Variants in CKAP5 observed in about 807,000 individuals in gnomAD.
CKAP5 encodes cytoskeleton-associated protein 5.
In CKAP5, 27 loss-of-function variants were observed where a neutral mutation model predicts 232.8. The ratio of observed to expected loss-of-function variants is 0.12; its 90% CI spans 0.09 to 0.16. CKAP5 has a LOEUF of 0.16. Among genes scored for constraint, CKAP5 ranks in the 10% least tolerant of loss-of-function variants. The probability of loss-of-function intolerance (pLI) is 1.00; values close to 1 mark genes in which losing one functional copy is unlikely to be tolerated. For missense variants in CKAP5, 1,838 were observed against 2,424.7 expected (o/e 0.76, Z 5.08); for synonymous variants, 785 against 841.1 (o/e 0.93, Z 1.16).
chr11:46,754,108 C>T (rs1239418857), intron 36 of CKAP5, among the ~76,000 whole-genome samples: 1 of 151,968 alleles, frequency 6.6e-6, no homozygotes, highest in Non-Finnish European at 1.5e-5. Context: ...AAGCAATTCT[C>T]TGCCTCAGCC....
intron 33 of CKAP5, among the ~76,000 whole-genome samples, chr11:46,759,711 C>A (rs932825719): frequency 6.6e-6 from 1 of 152,194 alleles, no homozygotes; most frequent in Non-Finnish European, 1.5e-5. Flanking sequence ...CTAAAGCCAA[C>A]AAACCTTGTA....
At chr11:46,765,328 TAAAA>T in intron 27 of CKAP5, 72 bp from the exon 28 acceptor site, 1 of 1,334,082 alleles carries the variant, frequency 7.5e-7, no homozygotes, top group Non-Finnish European at 1.0e-6. Context: ...TGCTGCCCAG[TAAAA>T]GGGCACTGTA....
chr11:46,801,364 A>G (rs1939027684), intron 8 of CKAP5, 60 bp from the exon 9 acceptor site: 2 of 1,323,742 alleles, frequency 1.5e-6, no homozygotes, highest in Admixed American at 3.4e-5. Context: ...GGGTATTGAA[A>G]TTTTATTCTC....
At chr11:46,821,473 G>A (rs1333366966) in intron 1 of CKAP5, among the ~76,000 whole-genome samples, 1 of 127,166 alleles carries the variant, frequency 7.9e-6, no homozygotes, top group Middle Eastern at 6.8e-3. Context: ...CACCCAGGCT[G>A]GAGTGCAGTG....
intron 16 of CKAP5, 86 bp downstream of exon 16, chr11:46,788,595 G>C (rs957188936): frequency 1.2e-6 from 1 of 805,992 alleles, no homozygotes; most frequent in Non-Finnish European, 2.0e-6. Flanking sequence ...AAATCATTAC[G>C]AAAACTATTC....
At chr11:46,792,412 G>T (rs2134641858) in intron 13 of CKAP5, among the ~76,000 whole-genome samples, 1 of 152,208 alleles carries the variant, frequency 6.6e-6, no homozygotes, top group Admixed American at 6.5e-5. Context: ...AATTAGCCAG[G>T]CGTGGTGGCA....
intron 42 of CKAP5, among the ~76,000 whole-genome samples, chr11:46,746,941 G>A (rs2065027009): frequency 1.3e-5 from 2 of 152,178 alleles, no homozygotes; most frequent in Non-Finnish European, 2.9e-5. Flanking sequence ...TTCAAGACCA[G>A]CTGGGGCAAC....
At chr11:46,806,362 C>T (rs2134665917) in intron 8 of CKAP5, among the ~76,000 whole-genome samples, 1 of 152,288 alleles carries the variant, frequency 6.6e-6, no homozygotes, top group East Asian at 1.9e-4. Flanking sequence ...TTCTTTGACA[C>T]ATCGAGAATT....
Position 46,809,816 on chromosome 11 carries a change from C to A in CKAP5, c.689G>T (p.Arg230Leu). ...TAGTTCTTGTTGGGAACGAAGAAAT[C>A]GAGTAGGTCTAGGAGCACTTGTTGG... ...KLPTSAPRPT[R>L]FLRSQQELEA... The change falls in exon 6 of 44, where the codon CGA (arginine) becomes CTA (leucine). Residue 230 changes from arginine (R) to leucine (L), a missense_variant. Transcript: ENST00000529230. 6.2e-7 allele frequency: 1 copy of A among 1,613,978 alleles called. No individual in the cohort carries two copies. Among genetic ancestry groups the A allele is most frequent in the Non-Finnish European group, 8.5e-7 (1 of 1,179,950 alleles).
chr11:46,809,350 A>C, intron 7 of CKAP5, 50 bp downstream of exon 7: 1 of 1,214,124 alleles, frequency 8.2e-7, no homozygotes, highest in Non-Finnish European at 1.2e-6. Context: ...AATTCTATTC[A>C]AGTAATTATT....
chr11:46,805,922 A>C (rs1177799421), intron 8 of CKAP5, among the ~76,000 whole-genome samples: 1 of 152,190 alleles, frequency 6.6e-6, no homozygotes, highest in Non-Finnish European at 1.5e-5. Flanking sequence ...GGGCAACAAT[A>C]ACGAAACTCC....
intron 25 of CKAP5, among the ~76,000 whole-genome samples, chr11:46,770,495 G>A (rs184181523): frequency 6.6e-6 from 1 of 152,076 alleles, no homozygotes; most frequent in East Asian, 1.9e-4. Context: ...GCAGTGGCAC[G>A]ATCTCAGCTG....
chr11:46,753,268 C>T (rs112678804), intron 37 of CKAP5, 42 bp downstream of exon 37: 11 of 1,486,538 alleles, frequency 7.4e-6, no homozygotes, highest in African/African-American at 1.4e-5. Context: ...TAAACAAAAG[C>T]GAGGATGCCC....
chr11:46,780,570 T>C, intron 18 of CKAP5, 85 bp from the exon 19 acceptor site: 1 of 1,035,346 alleles, frequency 9.7e-7, no homozygotes, highest in Non-Finnish European at 1.4e-6. Flanking sequence ...ACTCTAGGAC[T>C]GGCTCCCTTT....
Position 46,778,554 on chromosome 11 carries a change from G to A in CKAP5, c.2479C>T (p.His827Tyr). ...PPAPTRGISK[H>Y]STSGTDEGED... ...CCTTCATCTGTACCACTTGTGCTAT[G>A]CTTGGAAATTCCTCTGGTTGGAGCA... The change falls in exon 21 of 44, where the codon CAT becomes TAT. Residue 827 changes from histidine to tyrosine, a missense_variant. By Grantham distance (83) the His-to-Tyr change is moderately conservative. Transcript: ENST00000529230. The A allele has an allele frequency of 6.2e-7, 1 of 1,613,948 alleles. No individual in the cohort carries two copies. The highest frequency in any genetic ancestry group is 1.3e-5 in the African/African-American group (1 of 75,032).
chr11:46,753,562 G>T, intron 36 of CKAP5, 65 bp from the exon 37 acceptor site: 2 of 1,151,330 alleles, frequency 1.7e-6, no homozygotes, highest in Non-Finnish European at 2.5e-6. Context: ...AAATGTGGGT[G>T]GCATATTCTG....
intron 24 of CKAP5, among the ~76,000 whole-genome samples, chr11:46,773,022 G>A (rs1224442165): frequency 6.6e-6 from 1 of 152,130 alleles, no homozygotes; most frequent in Non-Finnish European, 1.5e-5. Context: ...GATTACAGGC[G>A]TGAGCCACCG....
At chr11:46,756,848 C>T (rs987443557) in intron 35 of CKAP5, among the ~76,000 whole-genome samples, 48 of 151,728 alleles carry the variant, frequency 3.2e-4, no homozygotes, top group African/African-American at 8.5e-4. Context: ...CTCCACCTCC[C>T]GGGTTCAAGC....
chr11:46,795,834 C>T (rs555548310), intron 12 of CKAP5, 58 bp from the exon 13 acceptor site: 53 of 1,393,652 alleles, frequency 3.8e-5, no homozygotes, highest in South Asian at 4.8e-5. Context: ...ACAACCACTA[C>T]GTTATTACAT....
Sources: gnomAD v4.1 joint callset for allele counts (sites outside exome capture counted in the v4.1 genomes callset) on GRCh38, gnomAD v4.1.1 for gene constraint, MANE v1.5 for transcripts, NCBI Gene and HGNC (gene_info 2026-07-23, HGNC 2026-07-21) for gene names.